Variants in KAT6B observed in about 807,000 individuals in gnomAD.
The protein encoded by KAT6B is histone acetyltransferase KAT6B.
A neutral mutation model predicts 187.5 loss-of-function variants in KAT6B; 10 were observed. The ratio of observed to expected loss-of-function variants is 0.05; its 90% CI spans 0.03 to 0.09. The LOEUF is 0.09. Ranked by LOEUF, KAT6B falls within the 10% of genes least tolerant of loss-of-function variation. The pLI, the probability that KAT6B is intolerant of heterozygous loss-of-function variation, is 1.00. For missense variants in KAT6B, 1,952 were observed against 2,558.9 expected, an observed-to-expected ratio of 0.76 and a Z score of 5.12; for synonymous variants, 861 against 926.8, an observed-to-expected ratio of 0.93 and a Z score of 1.29.
chr10:74,946,057 C>A (rs566769173), intron 3 of KAT6B, among the ~76,000 whole-genome samples: 163 of 152,238 alleles, frequency 1.1e-3, no homozygotes, highest in African/African-American at 3.7e-3. Context: ...CCGCTAAAGT[C>A]ATCTGGGCCT....
intron 12 of KAT6B, among the ~76,000 whole-genome samples, chr10:74,988,592 G>A (rs1842951927): frequency 6.6e-6 from 1 of 152,246 alleles, no homozygotes; most frequent in African/African-American, 2.4e-5. Flanking sequence ...AAGACAGATT[G>A]CTGTTGCAGA....
chr10:74,850,460 A>G (rs1333037787), intron 3 of KAT6B, among the ~76,000 whole-genome samples: 1 of 152,208 alleles, frequency 6.6e-6, no homozygotes, highest in Non-Finnish European at 1.5e-5. Flanking sequence ...GTTAAAATAG[A>G]AGGGCTCCTT....
chr10:74,960,105 T>C (rs1454392334), intron 4 of KAT6B, 27 bp downstream of exon 4: 3 of 1,311,066 alleles, frequency 2.3e-6, no homozygotes, highest in Non-Finnish European at 3.3e-6. Flanking sequence ...CTATGTGTTG[T>C]ACAATGACTT....
intron 3 of KAT6B, among the ~76,000 whole-genome samples, chr10:74,907,353 G>A (rs945858405): frequency 3.3e-5 from 5 of 152,156 alleles, no homozygotes; most frequent in Non-Finnish European, 5.9e-5. Context: ...TGTTCCTTCT[G>A]GACACCTCCA....
At chr10:75,002,745 A>G (rs1165837206) in intron 13 of KAT6B, among the ~76,000 whole-genome samples, 1 of 152,220 alleles carries the variant, frequency 6.6e-6, no homozygotes, top group Non-Finnish European at 1.5e-5. Context: ...TTATAATCTT[A>G]TGGGACTACC....
chr10:74,963,024 G>T (rs1230206930), intron 4 of KAT6B, among the ~76,000 whole-genome samples: 1 of 152,144 alleles, frequency 6.6e-6, no homozygotes. Flanking sequence ...GGGTGTAAAG[G>T]AGAATGTCTG....
chr10:74,836,377 T>G (rs893815326), intron 1 of KAT6B, among the ~76,000 whole-genome samples: 2 of 152,234 alleles, frequency 1.3e-5, no homozygotes, highest in African/African-American at 4.8e-5. Flanking sequence ...TGTTTAACTT[T>G]TTGAGGAACC....
At position 74,973,379 on chromosome 10, in the gene KAT6B, T is replaced by C. The variant is rs562088748; in HGVS notation, c.1061+740T>C. ...TATTTTAACCTGTGTAGAGTATAGA[T>C]TTGACTATCAGCATTAAGGTGTTTA... On this transcript the variant is annotated intron_variant, in intron 7 of 17. Coordinates refer to ENST00000287239, the MANE Select transcript of KAT6B (RefSeq NM_012330.4). 6.6e-5 allele frequency among the ~76,000 whole-genome samples: 10 copies of C among 152,272 alleles called. No individual in the cohort carries two copies. In the East Asian group the frequency reaches 1.4e-3, roughly 21 times the overall value.
chr10:75,023,633 T>C (rs981344991), intron 16 of KAT6B: 1 of 152,166 alleles, frequency 6.6e-6, no homozygotes, highest in Non-Finnish European at 1.5e-5. Flanking sequence ...TAACCGTAAA[T>C]GTTTAATTAC....
intron 13 of KAT6B, among the ~76,000 whole-genome samples, chr10:75,009,184 T>A (rs1470761251): frequency 6.6e-6 from 1 of 152,246 alleles, no homozygotes; most frequent in Non-Finnish European, 1.5e-5. Flanking sequence ...ATTCATTTTT[T>A]AAAAATGAAC....
At chr10:74,938,539 G>C (rs1849426846) in intron 3 of KAT6B, among the ~76,000 whole-genome samples, 1 of 152,120 alleles carries the variant, frequency 6.6e-6, no homozygotes, top group African/African-American at 2.4e-5. Flanking sequence ...TATTTTACCT[G>C]TATAGATGGG....
chr10:74,951,194 A>G (rs1840295068), intron 3 of KAT6B, among the ~76,000 whole-genome samples: 1 of 150,938 alleles, frequency 6.6e-6, no homozygotes, highest in South Asian at 2.1e-4. Context: ...CAGTGGCATG[A>G]TCTTGGCTTG....
chr10:74,898,407 T>G (rs1846133511), intron 3 of KAT6B, among the ~76,000 whole-genome samples: 1 of 152,136 alleles, frequency 6.6e-6, no homozygotes. Flanking sequence ...CTGGTTTTGT[T>G]TTTTCTAACA....
At chr10:74,915,688 C>T (rs973168727) in intron 3 of KAT6B, among the ~76,000 whole-genome samples, 4 of 152,070 alleles carry the variant, frequency 2.6e-5, no homozygotes, top group East Asian at 1.9e-4. Flanking sequence ...CTTCATCATC[C>T]GTCTTTCAGA....
intron 3 of KAT6B, among the ~76,000 whole-genome samples, chr10:74,877,218 C>T (rs1007790544): frequency 1.3e-5 from 2 of 151,922 alleles, no homozygotes; most frequent in South Asian, 4.2e-4. Flanking sequence ...TGCCCACCTC[C>T]GTCTCCCAAA....
At chr10:74,919,656 G>C (rs1239099334) in intron 3 of KAT6B, among the ~76,000 whole-genome samples, 1 of 152,056 alleles carries the variant, frequency 6.6e-6, no homozygotes, top group Non-Finnish European at 1.5e-5. Context: ...GCCCACCTAG[G>C]CCTCCCAAAG....
intron 3 of KAT6B, among the ~76,000 whole-genome samples, chr10:74,914,926 TA>T (rs1399265778): frequency 6.6e-6 from 1 of 151,768 alleles, no homozygotes; most frequent in Non-Finnish European, 1.5e-5. Flanking sequence ...TCCATCTCTT[TA>T]AAATAAAAAA....
In KAT6B at chr10:74,968,033, G is replaced by A. The variant is rs117734495; in HGVS notation, c.731-1627G>A. On this transcript the variant is annotated intron_variant, in intron 4 of 17. Transcript: ENST00000287239. Reference sequence around the variant, plus strand: ...TTAAGCTGATGGGATCCATTTTAAGGGTGGAATTTAAATTGCTGTTCTTTA... The same window carrying A: ...TTAAGCTGATGGGATCCATTTTAAGAGTGGAATTTAAATTGCTGTTCTTTA... 4.4e-4 allele frequency among the ~76,000 whole-genome samples: 67 copies of A among 152,238 alleles called. No homozygotes were observed. The East Asian group carries it at 0.013, about 28-fold the overall frequency.
intron 13 of KAT6B, among the ~76,000 whole-genome samples, chr10:75,009,499 T>A (rs1006616229): frequency 6.6e-6 from 1 of 152,136 alleles, no homozygotes; most frequent in African/African-American, 2.4e-5. Context: ...TCTGCTAATA[T>A]TAATGTATTG....
Sources: allele counts gnomAD v4.1 joint callset (sites outside exome capture counted in the v4.1 genomes callset), GRCh38; gene constraint gnomAD v4.1.1; transcripts MANE v1.5; gene names NCBI Gene and HGNC (gene_info 2026-07-23, HGNC 2026-07-21).